METTL15: variants seen among roughly 807,000 people sequenced by gnomAD.
The protein encoded by METTL15 is 12S rRNA N(4)-cytidine methyltransferase METTL15.
In METTL15, 34 loss-of-function variants were observed where a neutral mutation model predicts 38.3. The ratio of observed to expected loss-of-function variants is 0.89; its 90% CI spans 0.68 to 1.18. METTL15 has a LOEUF of 1.18. METTL15 is among the 50% of genes most tolerant of loss of function. The probability of loss-of-function intolerance (pLI) is 0.00; values close to 1 mark genes in which losing one functional copy is unlikely to be tolerated. For synonymous variants in METTL15, 162 were observed against 170.9 expected, an observed-to-expected ratio of 0.95 and a Z score of 0.41; for missense variants, 438 against 498.4, an observed-to-expected ratio of 0.88 and a Z score of 1.15.
chr11:28,155,325 C>T lies in METTL15; in HGVS notation c.270+41721C>T, dbSNP rs1850227179. 2.0e-5 allele frequency among the ~76,000 whole-genome samples: 3 copies of T among 152,238 alleles called. No individual in the cohort carries two copies. The South Asian group carries it at 6.2e-4, about 32-fold the overall frequency. On this transcript the variant is annotated intron_variant, in intron 3 of 6. Coordinates refer to ENST00000407364, the MANE Select transcript of METTL15 (RefSeq NM_001113528.2). The stretch of plus-strand genomic sequence containing the variant: ...AAAAACAACTAACTTTTCTAAGTTT[C>T]AGCATCTTCTTTTACAAGGGGTGGA...
chr11:28,506,245 T>C (rs1025859655), intron 6 of METTL15, among the ~76,000 whole-genome samples: 1 of 152,218 alleles, frequency 6.6e-6, no homozygotes, highest in African/African-American at 2.4e-5. Flanking sequence ...ACTAACCATA[T>C]TGGCCCAGTC....
At chr11:28,389,950 T>G (rs1230553063) in intron 5 of METTL15, among the ~76,000 whole-genome samples, 1 of 152,140 alleles carries the variant, frequency 6.6e-6, no homozygotes, top group Non-Finnish European at 1.5e-5. Flanking sequence ...GGTATCTCAT[T>G]GTGGTTTTGA....
intron 4 of METTL15, among the ~76,000 whole-genome samples, chr11:28,352,358 A>T (rs1242693426): frequency 6.6e-6 from 1 of 152,110 alleles, no homozygotes; most frequent in Admixed American, 6.5e-5. Flanking sequence ...ACTTTCCCTC[A>T]TGTTTTACTC....
intron 3 of METTL15, among the ~76,000 whole-genome samples, chr11:28,151,035 A>G (rs977790995): frequency 1.3e-5 from 2 of 151,524 alleles, no homozygotes; most frequent in Admixed American, 6.6e-5. Context: ...AGAAAAGGAA[A>G]AAAAGGTAAT....
chr11:28,493,043 A>C (rs2133483316), intron 6 of METTL15, among the ~76,000 whole-genome samples: 1 of 152,282 alleles, frequency 6.6e-6, no homozygotes, highest in Non-Finnish European at 1.5e-5. Flanking sequence ...TGTTGTAAAC[A>C]AGAGGAATTT....
chr11:28,334,194 C>T (rs1849879669), downstream of METTL15, among the ~76,000 whole-genome samples: 1 of 151,874 alleles, frequency 6.6e-6, no homozygotes, highest in Admixed American at 6.6e-5. Context: ...ATATACCATC[C>T]CTTCTTCTCT....
chr11:28,213,780 C>T (rs371779063), intron 4 of METTL15, among the ~76,000 whole-genome samples: 3 of 151,572 alleles, frequency 2.0e-5, no homozygotes, highest in South Asian at 2.1e-4. Context: ...CTCAGCCTCC[C>T]GAGTAGCTGG....
chr11:28,463,835 A>G (rs1171606038), intron 6 of METTL15, among the ~76,000 whole-genome samples: 1 of 151,990 alleles, frequency 6.6e-6, no homozygotes, highest in Non-Finnish European at 1.5e-5. Flanking sequence ...GATTCTCAAC[A>G]TGTTCATCAC....
intron 3 of METTL15, among the ~76,000 whole-genome samples, chr11:28,115,646 G>A (rs1851909782): frequency 6.6e-6 from 1 of 151,986 alleles, no homozygotes; most frequent in Non-Finnish European, 1.5e-5. Flanking sequence ...AGAATCATAA[G>A]GAAGATAAAA....
At chr11:28,206,405 A>G (rs1454383105) in intron 3 of METTL15, among the ~76,000 whole-genome samples, 9 of 152,098 alleles carry the variant, frequency 5.9e-5, no homozygotes, top group Non-Finnish European at 1.2e-4. Context: ...TTTGTCAAAG[A>G]TCAGATGGTT....
At chr11:28,528,618 G>A (rs1590405303), downstream of METTL15, among the ~76,000 whole-genome samples, 2 of 152,276 alleles carry the variant, frequency 1.3e-5, no homozygotes, top group Admixed American at 6.5e-5. Flanking sequence ...GGCACTTTGG[G>A]CCATGTTGTA....
chr11:28,376,701 T>G (rs1223012751), intron 5 of METTL15, among the ~76,000 whole-genome samples: 1 of 151,924 alleles, frequency 6.6e-6, no homozygotes, highest in Non-Finnish European at 1.5e-5. Flanking sequence ...ATCCTGTCAT[T>G]ATGATGTTAG....
chr11:28,385,702 T>C (rs1276579647), intron 5 of METTL15, among the ~76,000 whole-genome samples: 2 of 152,150 alleles, frequency 1.3e-5, no homozygotes, highest in Non-Finnish European at 2.9e-5. Flanking sequence ...GGTAGTTTGG[T>C]AGAAATAGCA....
At chr11:28,507,893 A>G (rs1216451258) in intron 6 of METTL15, among the ~76,000 whole-genome samples, 7 of 151,952 alleles carry the variant, frequency 4.6e-5, no homozygotes, top group African/African-American at 1.5e-4. Context: ...TCCTCATTCT[A>G]TTTTTCATAA....
At chr11:28,129,289 T>A (rs992206815) in intron 3 of METTL15, among the ~76,000 whole-genome samples, 2 of 152,258 alleles carry the variant, frequency 1.3e-5, no homozygotes, top group African/African-American at 4.8e-5. Flanking sequence ...TTCTTAACAT[T>A]TTATATAGTG....
intron 6 of METTL15, among the ~76,000 whole-genome samples, chr11:28,310,501 C>G (rs1037905625): frequency 6.6e-6 from 1 of 152,212 alleles, no homozygotes; most frequent in South Asian, 2.1e-4. Flanking sequence ...CCTATACCTC[C>G]TTTTAATAAT....
chr11:28,206,598 T>A (rs964543439), intron 3 of METTL15, among the ~76,000 whole-genome samples: 1 of 147,760 alleles, frequency 6.8e-6, no homozygotes, highest in African/African-American at 2.5e-5. Context: ...CGGGCTGTTT[T>A]CTGGTTCCAT....
chr11:28,273,512 G>C (rs1419230846), intron 4 of METTL15, among the ~76,000 whole-genome samples: 1 of 151,960 alleles, frequency 6.6e-6, no homozygotes, highest in Non-Finnish European at 1.5e-5. Flanking sequence ...GCCAACAACT[G>C]TTGCTATTTT....
chr11:28,264,280 C>G (rs920564599), intron 4 of METTL15, among the ~76,000 whole-genome samples: 2 of 152,048 alleles, frequency 1.3e-5, no homozygotes, highest in African/African-American at 4.8e-5. Context: ...TACTCCTTAC[C>G]TGAATTAGTA....
Sources: gnomAD v4.1 joint callset for allele counts (sites outside exome capture counted in the v4.1 genomes callset) on GRCh38, gnomAD v4.1.1 for gene constraint, MANE v1.5 for transcripts, NCBI Gene and HGNC (gene_info 2026-07-23, HGNC 2026-07-21) for gene names.